Variants in DCP2 observed in about 807,000 individuals in gnomAD.
DCP2 encodes m7GpppN-mRNA hydrolase.
In DCP2, 30 loss-of-function variants were observed where a neutral mutation model predicts 56.1. That is an observed-to-expected ratio of 0.53 (90% CI 0.40 to 0.73). DCP2 has a LOEUF of 0.73. Among genes scored for constraint, DCP2 ranks in the 30% least tolerant of loss-of-function variants. The pLI, the probability that DCP2 is intolerant of heterozygous loss-of-function variation, is 0.00. For missense variants in DCP2, 533 were observed against 502.7 expected (o/e 1.06, Z -0.58); for synonymous variants, 197 against 163.3 (o/e 1.21, Z -1.57).
chr5:113,003,923 T>A lies in DCP2; in HGVS notation c.807-19T>A. 6.2e-7 allele frequency: 1 copy of A among 1,613,702 alleles called. No homozygotes were observed. Among genetic ancestry groups the A allele is most frequent in the Non-Finnish European group, 8.5e-7 (1 of 1,179,754 alleles). Reference sequence around the variant, plus strand: ...AGTGAACATTTTCTGATTTGATTATTTTTTAAATCTTGGTGTAGTCGAACC... The same window carrying A: ...AGTGAACATTTTCTGATTTGATTATATTTTAAATCTTGGTGTAGTCGAACC... On this transcript the variant is annotated intron_variant, in intron 7 of 10. Transcript: ENST00000389063.
intron 4 of DCP2, among the ~76,000 whole-genome samples, chr5:112,995,168 T>C (rs778298090): frequency 2.0e-5 from 3 of 152,224 alleles, no homozygotes; most frequent in Non-Finnish European, 2.9e-5. Flanking sequence ...TTGCCCAAGC[T>C]ATTATTTACA....
chr5:112,984,468 C>T (rs1748153084), intron 1 of DCP2: 1 of 151,746 alleles, frequency 6.6e-6, no homozygotes, highest in Non-Finnish European at 1.5e-5. Flanking sequence ...CTAGAGACAT[C>T]CTGAGCTGAC....
intron 4 of DCP2, among the ~76,000 whole-genome samples, chr5:112,995,770 G>A (rs557472214): frequency 2.0e-5 from 3 of 152,304 alleles, no homozygotes; most frequent in Non-Finnish European, 4.4e-5. Flanking sequence ...CGACTTTGTC[G>A]TAAAGTTTGG....
Position 113,017,926 on chromosome 5 carries a change from C to CAGT in DCP2, c.*4443_*4445dup, listed in dbSNP as rs975907784. ...TTTGAAGTTTGATTGCCAAGCAATC[C>CAGT]AGTGAATCTAAAGTAATTTTTCTCA... On this transcript the variant is annotated 3_prime_UTR_variant, in exon 11 of 11. Coordinates refer to ENST00000389063, the MANE Select transcript of DCP2 (RefSeq NM_152624.6). The CAGT allele has an allele frequency of 6.6e-6, 1 of 152,086 alleles. No individual in the cohort carries two copies. The highest frequency in any genetic ancestry group is 2.4e-5 in the African/African-American group (1 of 41,412). 9.4% of individuals were successfully genotyped at this position (152,086 alleles called of 1,614,324 possible).
At chr5:113,012,160 A>G (rs1749702640) in intron 10 of DCP2, among the ~76,000 whole-genome samples, 1 of 152,212 alleles carries the variant, frequency 6.6e-6, no homozygotes, top group Non-Finnish European at 1.5e-5. Context: ...AAGGTACACC[A>G]TGCCAGCCTG....
chr5:113,005,151 G>GGGGTGTGTGT (rs140772660), intron 8 of DCP2, among the ~76,000 whole-genome samples: 2 of 149,522 alleles, frequency 1.3e-5, no homozygotes, highest in African/African-American at 2.5e-5. Context: ...TGTGCGTGTG[G>GGGGTGTGTGT]GTGTGTGTGT....
At chr5:112,981,492 G>T (rs879944006) in intron 1 of DCP2, among the ~76,000 whole-genome samples, 3 of 151,954 alleles carry the variant, frequency 2.0e-5, no homozygotes, top group Non-Finnish European at 4.4e-5. Flanking sequence ...GTAAATCTAC[G>T]TCTGTTATAT....
intron 3 of DCP2, 149 bp from the exon 4 acceptor site, chr5:112,992,523 C>A: frequency 1.4e-6 from 1 of 703,646 alleles, no homozygotes. Context: ...GTGATGTATT[C>A]AGACTCACTG....
At position 113,021,640 on chromosome 5, in the gene DCP2, A is replaced by ATGAT. The variant is rs964810179; in HGVS notation, c.*8157_*8160dup. ...CTTTTCCATTAGAGACCTCAGCTATATGATAGTAACTTTTATTTTAAATTC... is the reference window on the plus strand; with the variant it reads ...CTTTTCCATTAGAGACCTCAGCTATATGATTGATAGTAACTTTTATTTTAAATTC... On this transcript the variant is annotated 3_prime_UTR_variant, in exon 11 of 11. Transcript: ENST00000389063. Among the ~76,000 whole-genome samples the ATGAT allele has an allele frequency of 5.3e-5, 8 of 152,050 alleles. No individual in the cohort carries two copies. Among genetic ancestry groups the ATGAT allele is most frequent in the Non-Finnish European group, 4.4e-5 (3 of 68,026 alleles).
chr5:112,992,158 A>G lies in DCP2; in HGVS notation c.243A>G (p.Glu81=), dbSNP rs774956085. ...SHCPFLLPQG[E]DVEKVLDEWK... The stretch of plus-strand genomic sequence containing the variant: ...GTCCGTTTTTGCTGCCTCAAGGTGA[A>G]GATGTGGAAAAAGTTTTGGATGAAT... The change falls in exon 3 of 11, where the codon GAA becomes GAG. Residue 81 remains glutamate (E), a synonymous_variant. Transcript: ENST00000389063. 2.0e-5 allele frequency: 32 copies of G among 1,613,946 alleles called. No individual in the cohort carries two copies. The South Asian group carries it at 3.3e-4, about 17-fold the overall frequency.
Position 113,013,651 on chromosome 5 carries a change from C to A in DCP2, c.*167C>A. 1.3e-6 allele frequency: 1 copy of A among 751,182 alleles called. No homozygotes were observed. Among genetic ancestry groups the A allele is most frequent in the Non-Finnish European group, 2.1e-6 (1 of 471,412 alleles). 46.5% of individuals were successfully genotyped at this position (751,182 alleles called of 1,614,324 possible). ...GAGTAGAAAGAAACACGAGTTTGCA[C>A]TGTAAATGCAGTTATAACCTTTTAT... On this transcript the variant is annotated 3_prime_UTR_variant, in exon 11 of 11. Transcript: ENST00000389063.
intron 8 of DCP2, among the ~76,000 whole-genome samples, chr5:113,006,544 A>G (rs1321069448): frequency 1.3e-5 from 2 of 152,194 alleles, no homozygotes; most frequent in Non-Finnish European, 2.9e-5. Context: ...TCACTTACTT[A>G]GGTTATTGTT....
At chr5:112,984,703 A>AAAATATATATATATATAT in intron 1 of DCP2, 24 of 64,850 alleles carry the variant, frequency 3.7e-4, no homozygotes, top group African/African-American at 7.1e-4. Context: ...AAAAAAAAAA[A>AAAATATATATATATATAT]ATATATATAT....
chr5:113,012,261 GAGGCAAAA>G (rs1167667562), intron 10 of DCP2, among the ~76,000 whole-genome samples: 1 of 152,182 alleles, frequency 6.6e-6, no homozygotes, highest in African/African-American at 2.4e-5. Flanking sequence ...TTAAGAGGCT[GAGGCAAAA>G]AGGTCACTTG....
chr5:112,994,023 C>G (rs75623958), intron 4 of DCP2, among the ~76,000 whole-genome samples: 3 of 151,858 alleles, frequency 2.0e-5, no homozygotes, highest in Non-Finnish European at 4.4e-5. Flanking sequence ...GTTTGAACTT[C>G]TGAGGTCAAG....
chr5:113,005,930 C>A (rs373115853), intron 8 of DCP2, among the ~76,000 whole-genome samples: 1 of 152,012 alleles, frequency 6.6e-6, no homozygotes, highest in African/African-American at 2.4e-5. Context: ...CCCAGTAGTT[C>A]GAGACCCACC....
At chr5:113,008,245 A>C in intron 9 of DCP2, 1 of 433,374 alleles carries the variant, frequency 2.3e-6, no homozygotes, top group Non-Finnish European at 4.1e-6. Context: ...TGTTGATGCA[A>C]TTGTACATCT....
intron 1 of DCP2, among the ~76,000 whole-genome samples, chr5:112,979,239 A>T (rs566283023): frequency 6.6e-6 from 1 of 152,318 alleles, no homozygotes; most frequent in Non-Finnish European, 1.5e-5. Context: ...TGATATATTT[A>T]AAAATTAGGG....
rs1749796290 is a variant in DCP2, at chr5:113,014,329, A to G, written c.*845A>G. ...TTTCTTCTGTATTCCAGTTGTGTAA[A>G]TATGTATGGAAAACTGATATTACTA... is the stretch of plus-strand genomic sequence containing the variant. On this transcript the variant is annotated 3_prime_UTR_variant, in exon 11 of 11. Transcript: ENST00000389063. The G allele has an allele frequency of 6.6e-6, 1 of 152,154 alleles. No individual in the cohort carries two copies. Among genetic ancestry groups the G allele is most frequent in the African/African-American group, 2.4e-5 (1 of 41,418 alleles). The allele number at this position is 152,154 out of a possible 1,614,324, so 9.4% of individuals were successfully genotyped here.
Sources: allele counts gnomAD v4.1 joint callset (sites outside exome capture counted in the v4.1 genomes callset), GRCh38; gene constraint gnomAD v4.1.1; transcripts MANE v1.5; gene names NCBI Gene and HGNC (gene_info 2026-07-23, HGNC 2026-07-21).